Variants in RABGAP1L observed in about 807,000 individuals in gnomAD.
RABGAP1L encodes the protein RAB GTPase activating protein 1 like.
In RABGAP1L, 63 loss-of-function variants were observed where a neutral mutation model predicts 137.7. The ratio of observed to expected loss-of-function variants is 0.46; its 90% CI spans 0.37 to 0.56. The LOEUF is 0.56. RABGAP1L is among the 20% of genes least tolerant of loss of function. The pLI is 0.00. For synonymous variants in RABGAP1L, 431 were observed against 433.7 expected, an observed-to-expected ratio of 0.99 and a Z score of 0.08; for missense variants, 1,095 against 1,244.0, an observed-to-expected ratio of 0.88 and a Z score of 1.80.
At chr1:174,578,444 G>A (rs1668521888) in intron 13 of RABGAP1L, among the ~76,000 whole-genome samples, 1 of 151,968 alleles carries the variant, frequency 6.6e-6, no homozygotes, top group African/African-American at 2.4e-5. Context: ...AAAGTGCTGG[G>A]ATTACAGGTG....
At chr1:174,742,953 TG>T (rs1315000620) in intron 17 of RABGAP1L, among the ~76,000 whole-genome samples, 1 of 152,116 alleles carries the variant, frequency 6.6e-6, no homozygotes, top group Non-Finnish European at 1.5e-5. Flanking sequence ...AGTGTAGGGA[TG>T]ACTTATCCAT....
At chr1:174,234,730 G>A (rs1256194411) in intron 4 of RABGAP1L, among the ~76,000 whole-genome samples, 2 of 150,006 alleles carry the variant, frequency 1.3e-5, no homozygotes, top group East Asian at 1.9e-4. Context: ...TTTTGGCTTA[G>A]GATTGACTTG....
At chr1:174,349,646 ACCTC>A (rs1682876709) in intron 11 of RABGAP1L, among the ~76,000 whole-genome samples, 1 of 81,166 alleles carries the variant, frequency 1.2e-5, no homozygotes, top group African/African-American at 4.7e-5. Context: ...TGACCCCCCC[ACCTC>A]CCTCCCGGAC....
chr1:174,213,872 A>G (rs1669088505), intron 1 of RABGAP1L, among the ~76,000 whole-genome samples: 1 of 152,246 alleles, frequency 6.6e-6, no homozygotes, highest in Admixed American at 6.5e-5. Flanking sequence ...TGAGAGACCC[A>G]TTGCTAATAT....
At chr1:174,846,600 TATA>T in intron 19 of RABGAP1L, among the ~76,000 whole-genome samples, 1 of 74,868 alleles carries the variant, frequency 1.3e-5, no homozygotes. Context: ...GATAGTTTGT[TATA>T]ATTTCTGTTC....
rs370740556 is a variant in RABGAP1L, at chr1:174,699,771, A to G, written c.2025+121A>G. 4.3e-4 allele frequency: 440 copies of G among 1,011,970 alleles called. 6 individuals carry two copies. The South Asian group carries it at 7.8e-3, about 18-fold the overall frequency. The allele number at this position is 1,011,970 out of a possible 1,614,324, so 62.7% of individuals were successfully genotyped here. A position where few individuals can be genotyped will look rare whatever the true frequency, so the allele number is the denominator to read the frequency against. The stretch of plus-strand genomic sequence containing the variant: ...TAATGGAATATTATAGAAAATGTAC[A>G]TGGATTTAGTTTCAGACCAATATCT... On this transcript the variant is annotated intron_variant, in intron 16 of 25. Coordinates refer to ENST00000681986, the MANE Select transcript of RABGAP1L (RefSeq NM_001366446.1).
chr1:174,821,602 C>T (rs1031646742), intron 19 of RABGAP1L, among the ~76,000 whole-genome samples: 8 of 152,172 alleles, frequency 5.3e-5, no homozygotes, highest in African/African-American at 1.9e-4. Flanking sequence ...ATAACTTTCA[C>T]AGTAGAGCAA....
chr1:174,414,591 A>G (rs1450742953), intron 13 of RABGAP1L, among the ~76,000 whole-genome samples: 1 of 152,130 alleles, frequency 6.6e-6, no homozygotes, highest in African/African-American at 2.4e-5. Flanking sequence ...TCTATGAATT[A>G]AACTTAGTGC....
chr1:174,166,836 A>T (rs190243978), intron 1 of RABGAP1L, among the ~76,000 whole-genome samples: 1 of 152,326 alleles, frequency 6.6e-6, no homozygotes, highest in East Asian at 1.9e-4. Context: ...GAGACTGCTT[A>T]ATAGCTCATC....
chr1:174,877,443 C>T (rs988785929), intron 19 of RABGAP1L: 2 of 1,605,414 alleles, frequency 1.2e-6, no homozygotes, highest in Admixed American at 3.4e-5. Context: ...CTTGGATAGT[C>T]TGGTCTGGAG....
At chr1:174,772,061 T>G (rs1288231505) in intron 18 of RABGAP1L, among the ~76,000 whole-genome samples, 1 of 151,930 alleles carries the variant, frequency 6.6e-6, no homozygotes, top group Non-Finnish European at 1.5e-5. Flanking sequence ...TAGCCGGGCC[T>G]GGTGGTGGGT....
chr1:174,185,200 A>G (rs1207494499), intron 1 of RABGAP1L, among the ~76,000 whole-genome samples: 1 of 152,206 alleles, frequency 6.6e-6, no homozygotes, highest in African/African-American at 2.4e-5. Flanking sequence ...GGGACACCTT[A>G]AGATGCCTTA....
intron 1 of RABGAP1L, among the ~76,000 whole-genome samples, chr1:174,195,731 TTTTCTTTC>T (rs758201910): frequency 8.2e-5 from 7 of 85,178 alleles, no homozygotes; most frequent in Non-Finnish European, 1.5e-4. Flanking sequence ...CTTTTCTTTC[TTTTCTTTC>T]TTTCTTTCTT....
intron 17 of RABGAP1L, among the ~76,000 whole-genome samples, chr1:174,741,661 C>T (rs1239050602): frequency 6.6e-5 from 10 of 151,958 alleles, no homozygotes; most frequent in Admixed American, 5.2e-4. Flanking sequence ...TGTACCCGGC[C>T]CCCAGTATAA....
intron 19 of RABGAP1L, among the ~76,000 whole-genome samples, chr1:174,941,448 GA>G (rs1370543061): frequency 6.6e-6 from 1 of 152,200 alleles, no homozygotes; most frequent in African/African-American, 2.4e-5. Context: ...AAATTGGATT[GA>G]TTAGAAATAC....
chr1:174,578,505 G>A (rs1357493647), intron 13 of RABGAP1L, among the ~76,000 whole-genome samples: 1 of 151,890 alleles, frequency 6.6e-6, no homozygotes, highest in African/African-American at 2.4e-5. Context: ...TGGAAAATAA[G>A]CATAAGAAAC....
chr1:174,947,790 G>A (rs767982388), intron 19 of RABGAP1L, among the ~76,000 whole-genome samples: 10 of 152,274 alleles, frequency 6.6e-5, no homozygotes, highest in South Asian at 2.1e-4. Context: ...AATTGTGCTC[G>A]AAGAATATGG....
chr1:174,447,697 C>A (rs977930214), intron 13 of RABGAP1L, among the ~76,000 whole-genome samples: 3 of 152,142 alleles, frequency 2.0e-5, no homozygotes, highest in Non-Finnish European at 4.4e-5. Context: ...CCCACAGAAG[C>A]TTTTCTTCCT....
At chr1:174,308,921 A>G (rs1338168458) in intron 11 of RABGAP1L, among the ~76,000 whole-genome samples, 1 of 151,650 alleles carries the variant, frequency 6.6e-6, no homozygotes, top group Non-Finnish European at 1.5e-5. Context: ...ATGTCATTGG[A>G]ATTTTGTTAG....
Sources: allele counts gnomAD v4.1 joint callset (sites outside exome capture counted in the v4.1 genomes callset), GRCh38; gene constraint gnomAD v4.1.1; transcripts MANE v1.5; gene names NCBI Gene and HGNC (gene_info 2026-07-23, HGNC 2026-07-21).